Variants in PTPRN2 observed in about 807,000 individuals in gnomAD.
PTPRN2 encodes protein tyrosine phosphatase receptor type N2.
A neutral mutation model predicts 118.8 loss-of-function variants in PTPRN2; 74 were observed. The observed-to-expected ratio is 0.62, with a 90% CI of 0.52 to 0.76. The LOEUF (loss-of-function observed/expected upper bound fraction) is 0.76. Among genes scored for constraint, PTPRN2 ranks in the 30% least tolerant of loss-of-function variants. The pLI is 0.00. For missense variants in PTPRN2, 1,481 were observed against 1,394.4 expected (o/e 1.06, Z -0.99); for synonymous variants, 641 against 608.0 (o/e 1.05, Z -0.80).
chr7:157,646,691 G>C (rs1805097502), intron 14 of PTPRN2, among the ~76,000 whole-genome samples: 1 of 152,168 alleles, frequency 6.6e-6, no homozygotes, highest in Non-Finnish European at 1.5e-5. Flanking sequence ...CAGAGTCCCA[G>C]GAGCGTCAAG....
At chr7:158,386,278 G>A (rs1428953026) in intron 2 of PTPRN2, among the ~76,000 whole-genome samples, 162 of 102,760 alleles carry the variant, frequency 1.6e-3, no homozygotes, top group African/African-American at 3.9e-3. Flanking sequence ...CCCTCCTCCC[G>A]TGCCCCAAGT....
intron 2 of PTPRN2, among the ~76,000 whole-genome samples, chr7:158,391,333 G>A (rs1010648210): frequency 2.0e-5 from 3 of 152,098 alleles, no homozygotes; most frequent in African/African-American, 7.2e-5. Context: ...CTGAAACCGC[G>A]CTCCCTCTCC....
chr7:158,037,737 A>T (rs1182866262), intron 11 of PTPRN2, among the ~76,000 whole-genome samples: 1 of 152,210 alleles, frequency 6.6e-6, no homozygotes, highest in Non-Finnish European at 1.5e-5. Context: ...CAAAAAACCC[A>T]ATCAGTCTTT....
At chr7:158,521,682 CGTCACAATGGTGGACTGTCCAGGTAG>C in intron 1 of PTPRN2, among the ~76,000 whole-genome samples, 2 of 91,656 alleles carry the variant, frequency 2.2e-5, no homozygotes, top group African/African-American at 5.2e-5. Flanking sequence ...GGGAGGTCCA[CGTCACAATGGTGGACTGTCCAGGTAG>C]TGGCTCAGGA....
Position 157,966,692 on chromosome 7 carries a change from CCCATCATCTTCATCACCA to C in PTPRN2, c.1724-67973_1724-67956del, listed in dbSNP as rs912548438. On this transcript the variant is annotated intron_variant, in intron 11 of 22. Transcript: ENST00000389418. Reference sequence around the variant, plus strand: ...CATCATCATCTTTATCATCACAATCCCCATCATCTTCATCACCACCATCATCTTCATCACCACCATCGT... The same window carrying C: ...CATCATCATCTTTATCATCACAATCCCCATCATCTTCATCACCACCATCGT... Among the ~76,000 whole-genome samples the C allele has an allele frequency of 7.8e-4, 118 of 150,718 alleles. No homozygotes were observed. The East Asian group carries it at 0.015, about 19-fold the overall frequency.
chr7:158,136,748 G>A (rs1051543295), intron 7 of PTPRN2, 53 bp from the exon 8 acceptor site: 3 of 1,575,884 alleles, frequency 1.9e-6, no homozygotes, highest in Admixed American at 1.7e-5. Context: ...TCATCACAGG[G>A]TGCCACAGAC....
At chr7:158,336,477 T>A (rs1426279521) in intron 2 of PTPRN2, among the ~76,000 whole-genome samples, 4 of 123,776 alleles carry the variant, frequency 3.2e-5, no homozygotes, top group Admixed American at 8.2e-5. Context: ...ACTCTCACCA[T>A]AAGAGCTGAC....
Position 158,333,293 on chromosome 7 carries a change from G to T in PTPRN2, c.164-16361C>A, listed in dbSNP as rs539171109. Among the ~76,000 whole-genome samples, 146 of 130,930 alleles carry T rather than the reference G, an allele frequency of 1.1e-3. 16 individuals carry two copies. Among genetic ancestry groups the T allele is most frequent in the African/African-American group, 4.5e-3 (135 of 30,162 alleles). The allele number at this position is 130,930 out of a possible 152,430, so 85.9% of individuals were successfully genotyped here. A position where few individuals can be genotyped will look rare whatever the true frequency, so the allele number is the denominator to read the frequency against. ...ACTCACACCCACACTCTCACCATAA[G>T]AGGTGACATCTGCAGACGTCACTCA... On this transcript the variant is annotated intron_variant, in intron 2 of 22. Transcript: ENST00000389418.
At chr7:157,846,876 C>T (rs55740926) in intron 12 of PTPRN2, among the ~76,000 whole-genome samples, 15 of 151,412 alleles carry the variant, frequency 9.9e-5, no homozygotes, top group Non-Finnish European at 2.1e-4. Flanking sequence ...TCACGTGTGC[C>T]CGATGTTTAC....
At chr7:158,215,241 C>T (rs1168987363) in intron 3 of PTPRN2, among the ~76,000 whole-genome samples, 3 of 152,054 alleles carry the variant, frequency 2.0e-5, no homozygotes, top group African/African-American at 4.8e-5. Flanking sequence ...GCAGTGGATG[C>T]ACATAACAGA....
intron 15 of PTPRN2, among the ~76,000 whole-genome samples, chr7:157,605,817 T>G (rs191287183): frequency 2.6e-5 from 4 of 152,348 alleles, no homozygotes; most frequent in Admixed American, 6.5e-5. Context: ...TACATGCTGA[T>G]TGGCCCACGA....
chr7:157,630,072 A>C (rs1206550063), intron 14 of PTPRN2, among the ~76,000 whole-genome samples: 1 of 152,232 alleles, frequency 6.6e-6, no homozygotes, highest in African/African-American at 2.4e-5. Context: ...AAAGTAGGAC[A>C]ATTGAATTCC....
At chr7:158,130,062 C>A (rs927874750) in intron 9 of PTPRN2, among the ~76,000 whole-genome samples, 2 of 152,178 alleles carry the variant, frequency 1.3e-5, no homozygotes, top group South Asian at 4.1e-4. Flanking sequence ...TGAAAATCAT[C>A]TTAAATTTTA....
At chr7:157,750,788 G>A (rs1043579834) in intron 12 of PTPRN2, among the ~76,000 whole-genome samples, 4 of 152,292 alleles carry the variant, frequency 2.6e-5, no homozygotes, top group South Asian at 2.1e-4. Context: ...CAGTGGGTTC[G>A]GAAACAGCTG....
intron 9 of PTPRN2, among the ~76,000 whole-genome samples, chr7:158,129,834 A>T (rs951243719): frequency 6.6e-6 from 1 of 152,154 alleles, no homozygotes; most frequent in African/African-American, 2.4e-5. Context: ...CAAAGAAATG[A>T]ACAGCCATGA....
chr7:157,564,798 T>C (rs1799398876), intron 21 of PTPRN2, among the ~76,000 whole-genome samples: 1 of 152,262 alleles, frequency 6.6e-6, no homozygotes, highest in Non-Finnish European at 1.5e-5. Context: ...TTACGGTCGA[T>C]GTGGCGATTC....
intron 12 of PTPRN2, among the ~76,000 whole-genome samples, chr7:157,716,107 G>C (rs1215786965): frequency 6.6e-6 from 1 of 152,270 alleles, no homozygotes; most frequent in Non-Finnish European, 1.5e-5. Flanking sequence ...CATCCCTTTG[G>C]GTTCAGCCAC....
At chr7:157,613,782 G>T (rs565260117) in intron 15 of PTPRN2, among the ~76,000 whole-genome samples, 1 of 152,284 alleles carries the variant, frequency 6.6e-6, no homozygotes, top group Non-Finnish European at 1.5e-5. Flanking sequence ...GCCGTTTGTC[G>T]CGTAGTCCTC....
chr7:158,147,974 C>T (rs146505609), intron 6 of PTPRN2, among the ~76,000 whole-genome samples: 3,043 of 20,314 alleles, frequency 0.15, no homozygotes, highest in Non-Finnish European at 0.2. Context: ...GTGTCTTTCC[C>T]CCTCAATGAC....
Sources: allele counts gnomAD v4.1 joint callset (sites outside exome capture counted in the v4.1 genomes callset), GRCh38; gene constraint gnomAD v4.1.1; transcripts MANE v1.5; gene names NCBI Gene and HGNC (gene_info 2026-07-23, HGNC 2026-07-21).